Variants in UBAC2 observed in about 807,000 individuals in gnomAD.
UBAC2 encodes the protein ubiquitin-associated domain-containing protein 2.
UBAC2 carries 26 observed loss-of-function variants against 44.0 expected under a neutral mutation model. That is an observed-to-expected ratio of 0.59 (90% CI 0.43 to 0.82). The LOEUF (loss-of-function observed/expected upper bound fraction) is 0.82. Ranked by LOEUF, UBAC2 falls within the 40% of genes least tolerant of loss-of-function variation. The pLI is 0.00. For missense variants in UBAC2, 329 were observed against 419.4 expected, an observed-to-expected ratio of 0.78 and a Z score of 1.88; for synonymous variants, 155 against 154.3, an observed-to-expected ratio of 1.00 and a Z score of -0.04.
intron 4 of UBAC2, among the ~76,000 whole-genome samples, chr13:99,307,010 T>C (rs2138748044): frequency 6.6e-6 from 1 of 152,334 alleles, no homozygotes; most frequent in East Asian, 1.9e-4. Flanking sequence ...CATACTAAGT[T>C]ATCCTGAAAT....
intron 7 of UBAC2, among the ~76,000 whole-genome samples, chr13:99,357,462 T>G (rs1474071201): frequency 6.6e-6 from 1 of 152,244 alleles, no homozygotes; most frequent in Non-Finnish European, 1.5e-5. Context: ...AGGAAATTAG[T>G]CATTTCTCTG....
chr13:99,238,297 C>G (rs1030554181), intron 1 of UBAC2, 130 bp from the exon 2 acceptor site: 4 of 1,260,578 alleles, frequency 3.2e-6, no homozygotes, highest in Non-Finnish European at 4.3e-6. Context: ...ATATTAGAAC[C>G]AAATTTCAGA....
chr13:99,250,525 T>C (rs962422490), intron 4 of UBAC2, among the ~76,000 whole-genome samples: 4 of 152,180 alleles, frequency 2.6e-5, no homozygotes, highest in Non-Finnish European at 5.9e-5. Context: ...TTCTTTTTTT[T>C]CCCTTAGGAT....
In UBAC2 at chr13:99,238,513, C is replaced by T; in HGVS notation, c.118C>T (p.Leu40Phe). ...CCTCCTCCTGCCTCACTGCCAGAAG[C>T]TCTTTGTGTATGACCTTCACGCAGT... ...LALLLPHCQK[L>F]FVYDLHAVKN... is the part of the protein sequence containing the mutation. Residue 40 changes from leucine to phenylalanine, a missense_variant, in exon 2 of 9, where the codon CTC (leucine) becomes TTC (phenylalanine). Physicochemically the swap from Leu to Phe is conservative, Grantham distance 22. Coordinates refer to ENST00000403766, the MANE Select transcript of UBAC2 (RefSeq NM_001144072.2). The T allele has an allele frequency of 1.9e-6, 3 of 1,613,864 alleles. No homozygotes were observed. Among genetic ancestry groups the T allele is most frequent in the Non-Finnish European group, 2.5e-6 (3 of 1,179,906 alleles).
intron 1 of UBAC2, among the ~76,000 whole-genome samples, chr13:99,233,994 T>G (rs2043205355): frequency 6.6e-6 from 1 of 151,886 alleles, no homozygotes; most frequent in Non-Finnish European, 1.5e-5. Flanking sequence ...TATTCTTATT[T>G]TCAGTTGCAA....
chr13:99,217,268 G>A (rs1462263747), intron 1 of UBAC2, among the ~76,000 whole-genome samples: 1 of 152,172 alleles, frequency 6.6e-6, no homozygotes, highest in Non-Finnish European at 1.5e-5. Flanking sequence ...GGTGCTGAAG[G>A]GCCACTCAGA....
chr13:99,206,156 T>G (rs2042869725), intron 1 of UBAC2: 1 of 152,752 alleles, frequency 6.5e-6, no homozygotes, highest in South Asian at 2.1e-4. Context: ...TGTGCAGTGT[T>G]GAGGGGTTTG....
chr13:99,274,715 T>C (rs546673436), intron 4 of UBAC2, among the ~76,000 whole-genome samples: 105 of 151,572 alleles, frequency 6.9e-4, no homozygotes, highest in African/African-American at 2.3e-3. Flanking sequence ...TTTTTCCTTT[T>C]CTTTTCTTTT....
intron 7 of UBAC2, among the ~76,000 whole-genome samples, chr13:99,366,468 A>G (rs777202672): frequency 4.6e-5 from 7 of 152,114 alleles, no homozygotes; most frequent in Non-Finnish European, 1.0e-4. Flanking sequence ...TCTCCATCCC[A>G]AAACCAATCT....
At position 99,234,171 on chromosome 13, in the gene UBAC2, C is replaced by CTT. The variant is rs773370310; in HGVS notation, c.32-4228_32-4227dup. Among the ~76,000 whole-genome samples, 91 of 61,722 alleles carry CTT rather than the reference C, an allele frequency of 1.5e-3. 20 individuals carry two copies. The highest frequency in any genetic ancestry group is 2.0e-3 in the Non-Finnish European group (70 of 35,896). The allele number at this position is 61,722 out of a possible 152,430, so 40.5% of individuals were successfully genotyped here. On this transcript the variant is annotated intron_variant, in intron 1 of 8. Transcript: ENST00000403766. ...GGGCCGGACATTGTGCTAGCCGTTT[C>CTT]TTTTTTTTTTTTTTTTTTTTTTTTT... is the stretch of plus-strand genomic sequence containing the variant.
intron 4 of UBAC2, among the ~76,000 whole-genome samples, chr13:99,283,613 T>C (rs1272762661): frequency 6.6e-6 from 1 of 151,962 alleles, no homozygotes; most frequent in South Asian, 2.1e-4. Flanking sequence ...GGTCTGAGGA[T>C]TGAGTCACTA....
chr13:99,278,127 G>A lies in UBAC2; in HGVS notation c.389+33503G>A, dbSNP rs138173026. ...TAATTTCGGAAGCTAAGAAATAGCT[G>A]TGATGGTGACACCAACATTATTCTG... On this transcript the variant is annotated intron_variant, in intron 4 of 8. Coordinates refer to ENST00000403766, the MANE Select transcript of UBAC2 (RefSeq NM_001144072.2). 2.2e-3 allele frequency among the ~76,000 whole-genome samples: 341 copies of A among 152,284 alleles called. 2 individuals carry two copies. Among genetic ancestry groups the A allele is most frequent in the African/African-American group, 8.0e-3 (331 of 41,564 alleles).
chr13:99,246,775 A>C (rs766062269), intron 4 of UBAC2, among the ~76,000 whole-genome samples: 16 of 152,174 alleles, frequency 1.1e-4, no homozygotes, highest in Non-Finnish European at 2.1e-4. Context: ...AAGAGTTACA[A>C]ACTTGAATAA....
chr13:99,338,047 C>CTTT (rs869112086), intron 6 of UBAC2, among the ~76,000 whole-genome samples: 21 of 48,858 alleles, frequency 4.3e-4, no homozygotes, highest in East Asian at 1.8e-3. Flanking sequence ...TTCTTTTTTT[C>CTTT]TTTTTTTTTT....
intron 1 of UBAC2, among the ~76,000 whole-genome samples, chr13:99,232,899 G>A (rs2043192017): frequency 6.6e-6 from 1 of 152,014 alleles, no homozygotes; most frequent in African/African-American, 2.4e-5. Context: ...CTGAGATCAC[G>A]CCACTGCACT....
At chr13:99,290,931 TGTG>T (rs981466430) in intron 4 of UBAC2, among the ~76,000 whole-genome samples, 1 of 151,924 alleles carries the variant, frequency 6.6e-6, no homozygotes. Context: ...TGAATTCAGA[TGTG>T]GTGATGGGGA....
At chr13:99,348,309 G>A (rs2138849908) in intron 7 of UBAC2, among the ~76,000 whole-genome samples, 1 of 152,334 alleles carries the variant, frequency 6.6e-6, no homozygotes, top group African/African-American at 2.4e-5. Context: ...TAGGCACTAG[G>A]TTTCTACAGG....
intron 1 of UBAC2, among the ~76,000 whole-genome samples, chr13:99,207,844 A>G (rs1330025175): frequency 6.6e-6 from 1 of 152,160 alleles, no homozygotes; most frequent in East Asian, 1.9e-4. Context: ...CATACTGCTA[A>G]AATGGACACC....
chr13:99,286,251 A>C (rs2044017600), intron 4 of UBAC2, among the ~76,000 whole-genome samples: 1 of 152,226 alleles, frequency 6.6e-6, no homozygotes, highest in Non-Finnish European at 1.5e-5. Context: ...TTTATATTTG[A>C]CTTCAAATGT....
Sources: gnomAD v4.1 joint callset for allele counts (sites outside exome capture counted in the v4.1 genomes callset) on GRCh38, gnomAD v4.1.1 for gene constraint, MANE v1.5 for transcripts, NCBI Gene and HGNC (gene_info 2026-07-23, HGNC 2026-07-21) for gene names.